The following OSBPL9 variants were observed in gnomAD, a reference collection of about 807,000 sequenced individuals.
The protein encoded by OSBPL9 is oxysterol binding protein like 9, also known as oxysterol-binding protein-related protein 9.
In OSBPL9, 40 loss-of-function variants were observed where a neutral mutation model predicts 106.6. The observed-to-expected ratio is 0.38, with a 90% CI of 0.29 to 0.49. The LOEUF (loss-of-function observed/expected upper bound fraction) is 0.49. Among genes scored for constraint, OSBPL9 ranks in the 20% least tolerant of loss-of-function variants. The pLI, the probability that OSBPL9 is intolerant of heterozygous loss-of-function variation, is 0.97. For missense variants in OSBPL9, 609 were observed against 887.2 expected (o/e 0.69, Z 3.98); for synonymous variants, 269 against 295.4 (o/e 0.91, Z 0.92).
the OSBPL9 span, among the ~76,000 whole-genome samples, chr1:51,547,150 A>G: frequency 1.3e-5 from 2 of 152,240 alleles, no homozygotes; most frequent in African/African-American, 4.8e-5. Context: ...CTCCTGGGAT[A>G]TATCCCAAAG....
intron 2 of OSBPL9, among the ~76,000 whole-genome samples, chr1:51,601,840 CAG>C (rs1645326188): frequency 6.6e-6 from 1 of 152,074 alleles, no homozygotes; most frequent in South Asian, 2.1e-4. Context: ...GTTTAATCCT[CAG>C]GGCAATTTTG....
At chr1:51,708,898 T>C (rs1199310737) in intron 3 of OSBPL9, among the ~76,000 whole-genome samples, 1 of 152,218 alleles carries the variant, frequency 6.6e-6, no homozygotes, top group Non-Finnish European at 1.5e-5. Flanking sequence ...AACTTTTTAT[T>C]CCATTTTCCC....
At chr1:51,640,989 A>G (rs1237668958) in intron 1 of OSBPL9, among the ~76,000 whole-genome samples, 1 of 151,348 alleles carries the variant, frequency 6.6e-6, no homozygotes, top group Non-Finnish European at 1.5e-5. Flanking sequence ...GGTTCTCACT[A>G]TGTTGCCCAG....
At chr1:51,741,051 AT>A (rs1214605768) in intron 4 of OSBPL9, among the ~76,000 whole-genome samples, 2 of 117,198 alleles carry the variant, frequency 1.7e-5, no homozygotes, top group Admixed American at 1.7e-4. Flanking sequence ...TAAAGTATAA[AT>A]AGTGTTTAAT....
At chr1:51,538,111 C>T in the OSBPL9 span, among the ~76,000 whole-genome samples, 12 of 151,976 alleles carry the variant, frequency 7.9e-5, no homozygotes, top group East Asian at 3.9e-4. Context: ...GCCAACATGG[C>T]GAAACCCCAT....
chr1:51,527,998 C>T, the OSBPL9 span, among the ~76,000 whole-genome samples: 18 of 151,814 alleles, frequency 1.2e-4, no homozygotes, highest in African/African-American at 3.9e-4. Context: ...GTGGCACACA[C>T]CTGTAGGCCC....
chr1:51,564,745 G>GATCCAACCCCCA, the OSBPL9 span, among the ~76,000 whole-genome samples: 1 of 152,250 alleles, frequency 6.6e-6, no homozygotes, highest in East Asian at 1.9e-4. Context: ...CCTATCCTGG[G>GATCCAACCCCCA]GGCTATAGTT....
chr1:51,744,785 A>C (rs892278987), intron 4 of OSBPL9, among the ~76,000 whole-genome samples: 2 of 152,220 alleles, frequency 1.3e-5, no homozygotes, highest in Non-Finnish European at 2.9e-5. Flanking sequence ...TCTTTTGGCT[A>C]AAGTTAAAAC....
chr1:51,599,986 A>G (rs923518788), intron 2 of OSBPL9, among the ~76,000 whole-genome samples: 12 of 152,244 alleles, frequency 7.9e-5, no homozygotes, highest in African/African-American at 2.7e-4. Flanking sequence ...ATGGCAGAAT[A>G]GATGGAAGGA....
At position 51,604,248 on chromosome 1, in the gene OSBPL9, A is replaced by C. The variant is rs559147993; in HGVS notation, c.-353+6055A>C. ...ACGCAAATACTGCCTCTACCACTTC[A>C]TTTTACATTTAAAAAAATTCATTAG... On this transcript the variant is annotated intron_variant, in intron 2 of 25. Transcript: ENST00000371714. Among the ~76,000 whole-genome samples the C allele has an allele frequency of 3.9e-5, 6 of 152,214 alleles. No individual in the cohort carries two copies. In the East Asian group the frequency reaches 9.7e-4, roughly 25 times the overall value.
intron 1 of OSBPL9, among the ~76,000 whole-genome samples, chr1:51,596,921 G>T (rs1570537036): frequency 6.6e-6 from 1 of 152,224 alleles, no homozygotes; most frequent in African/African-American, 2.4e-5. Flanking sequence ...AGGGGACACA[G>T]AGTCTCATAA....
chr1:51,524,245 C>T, the OSBPL9 span, among the ~76,000 whole-genome samples: 1 of 152,186 alleles, frequency 6.6e-6, no homozygotes, highest in Non-Finnish European at 1.5e-5. Context: ...TTTGTAAATG[C>T]CATACACACG....
At chr1:51,541,138 A>AAT in the OSBPL9 span, among the ~76,000 whole-genome samples, 2 of 152,058 alleles carry the variant, frequency 1.3e-5, no homozygotes, top group Admixed American at 1.3e-4. Flanking sequence ...CTCAAAAAAA[A>AAT]ATTGTAATTA....
chr1:51,537,928 G>T, the OSBPL9 span, among the ~76,000 whole-genome samples: 1 of 151,970 alleles, frequency 6.6e-6, no homozygotes, highest in Non-Finnish European at 1.5e-5. Flanking sequence ...TTCCTTATTT[G>T]CATCTCCCTT....
chr1:51,704,157 A>G (rs1231665176), intron 3 of OSBPL9, among the ~76,000 whole-genome samples: 4 of 152,258 alleles, frequency 2.6e-5, no homozygotes, highest in Non-Finnish European at 5.9e-5. Context: ...TCATAAAATG[A>G]GTTAGGGAGG....
intron 1 of OSBPL9, among the ~76,000 whole-genome samples, chr1:51,590,611 C>T (rs187146809): frequency 0.021 from 2,841 of 136,268 alleles, 46 homozygotes; most frequent in South Asian, 0.035. Flanking sequence ...CAGAGTGAGA[C>T]TCCGTCTCAA....
intron 1 of OSBPL9, among the ~76,000 whole-genome samples, chr1:51,597,687 G>C (rs1443157473): frequency 6.6e-6 from 1 of 152,128 alleles, no homozygotes; most frequent in African/African-American, 2.4e-5. Context: ...GAGAACCCGA[G>C]CCCTGAGAGT....
intron 2 of OSBPL9, among the ~76,000 whole-genome samples, chr1:51,664,378 G>A (rs1647908070): frequency 6.6e-6 from 1 of 152,106 alleles, no homozygotes; most frequent in African/African-American, 2.4e-5. Context: ...AATAAGTGGT[G>A]TGAGTCCATT....
intron 1 of OSBPL9, among the ~76,000 whole-genome samples, chr1:51,631,114 G>T (rs895702679): frequency 2.0e-5 from 3 of 152,206 alleles, no homozygotes; most frequent in African/African-American, 7.2e-5. Flanking sequence ...ACAGTATGGG[G>T]AGTGCTGATT....
Sources: gnomAD v4.1 joint callset for allele counts (sites outside exome capture counted in the v4.1 genomes callset) on GRCh38, gnomAD v4.1.1 for gene constraint, MANE v1.5 for transcripts, NCBI Gene and HGNC (gene_info 2026-07-23, HGNC 2026-07-21) for gene names.